PARD3: variants seen among roughly 807,000 people sequenced by gnomAD.
PARD3 encodes partitioning defective 3 homolog.
A neutral mutation model predicts 155.4 loss-of-function variants in PARD3; 75 were observed. The ratio of observed to expected loss-of-function variants is 0.48; its 90% CI spans 0.40 to 0.58. PARD3 has a LOEUF of 0.58. Ranked by LOEUF, PARD3 falls within the 20% of genes least tolerant of loss-of-function variation. PARD3 has a pLI of 0.00. For synonymous variants in PARD3, 576 were observed against 610.5 expected (o/e 0.94, Z 0.83); for missense variants, 1,642 against 1,721.7 (o/e 0.95, Z 0.82).
intron 2 of PARD3, among the ~76,000 whole-genome samples, chr10:34,629,951 A>G (rs945106765): frequency 2.0e-5 from 3 of 152,186 alleles, no homozygotes; most frequent in Non-Finnish European, 4.4e-5. Context: ...AATGTATAAC[A>G]AAACAAAACA....
Position 34,269,500 on chromosome 10 carries a change from A to G in PARD3, c.3419+157T>C, listed in dbSNP as rs575186904. Among the ~76,000 whole-genome samples the G allele has an allele frequency of 2.6e-5, 4 of 152,374 alleles. No individual in the cohort carries two copies. The South Asian group carries it at 8.3e-4, about 32-fold the overall frequency. On this transcript the variant is annotated intron_variant, in intron 22 of 24. Transcript: ENST00000374788. ...CTGCTGATCCTTCCATTAGGTTTCAATTTGTGTAAACTCAATACTTTTAGA... is the reference window on the plus strand; with the variant it reads ...CTGCTGATCCTTCCATTAGGTTTCAGTTTGTGTAAACTCAATACTTTTAGA...
intron 1 of PARD3, among the ~76,000 whole-genome samples, chr10:34,761,819 A>G (rs905620152): frequency 6.6e-6 from 1 of 152,228 alleles, no homozygotes; most frequent in Admixed American, 6.5e-5. Context: ...CTAAAGGAAC[A>G]AAGTACAGCC....
chr10:34,470,382 G>T (rs2078272552), intron 3 of PARD3, 119 bp from the exon 4 acceptor site: 1 of 690,832 alleles, frequency 1.4e-6, no homozygotes, highest in African/African-American at 1.8e-5. Context: ...TGTAAAAGGG[G>T]ACAAGTGGGT....
intron 10 of PARD3, among the ~76,000 whole-genome samples, chr10:34,377,706 C>T (rs757349173): frequency 7.9e-5 from 12 of 151,982 alleles, no homozygotes; most frequent in Non-Finnish European, 1.8e-4. Flanking sequence ...GCAAGAGGAT[C>T]GCCTGAGGCC....
chr10:34,737,178 A>G (rs149909464), intron 1 of PARD3, among the ~76,000 whole-genome samples: 32 of 152,300 alleles, frequency 2.1e-4, no homozygotes, highest in African/African-American at 7.7e-4. Flanking sequence ...TCCCAAGAAT[A>G]CGGGGTGTTT....
chr10:34,371,919 C>CT (rs1452965160), intron 12 of PARD3, among the ~76,000 whole-genome samples: 2 of 152,222 alleles, frequency 1.3e-5, no homozygotes, highest in East Asian at 3.9e-4. Flanking sequence ...TAAGCTTACT[C>CT]TTTTATCCCC....
intron 22 of PARD3, among the ~76,000 whole-genome samples, chr10:34,227,881 T>TATATATATATATACATATATATAC (rs1199483392): frequency 1.5e-5 from 2 of 133,736 alleles, no homozygotes; most frequent in African/African-American, 5.8e-5. Context: ...TATATATATA[T>TATATATATATATACATATATATAC]ATACTGGGAA....
In PARD3 at chr10:34,438,274, T is replaced by C. The variant is rs994046001; in HGVS notation, c.714+12043A>G. Among the ~76,000 whole-genome samples, 17 of 152,200 alleles carry C rather than the reference T, an allele frequency of 1.1e-4. 1 individual carries two copies. The highest frequency in any genetic ancestry group is 1.0e-3 in the Admixed American group (16 of 15,288). ...ATCAAGATTTAAAAAAATAGGAACA[T>C]TGCATTACTTTGAGAGAACTTACAT... is the stretch of plus-strand genomic sequence containing the variant. On this transcript the variant is annotated intron_variant, in intron 5 of 24. Transcript: ENST00000374788.
At chr10:34,507,532 A>C (rs2133504813) in intron 3 of PARD3, among the ~76,000 whole-genome samples, 1 of 149,918 alleles carries the variant, frequency 6.7e-6, no homozygotes, top group East Asian at 2.0e-4. Flanking sequence ...TGTGACATTC[A>C]GATCAATTAA....
intron 22 of PARD3, among the ~76,000 whole-genome samples, chr10:34,131,857 T>G (rs1435671505): frequency 6.6e-6 from 1 of 152,172 alleles, no homozygotes; most frequent in East Asian, 1.9e-4. Flanking sequence ...ATTTCCTTTC[T>G]GTAATCTGGC....
chr10:34,807,534 T>C (rs1476251483), intron 1 of PARD3, among the ~76,000 whole-genome samples: 2 of 152,098 alleles, frequency 1.3e-5, no homozygotes, highest in Non-Finnish European at 2.9e-5. Context: ...AAACTCCCAG[T>C]CCTAGCGGAA....
At chr10:34,206,448 T>C (rs1051911252) in intron 22 of PARD3, among the ~76,000 whole-genome samples, 11 of 152,192 alleles carry the variant, frequency 7.2e-5, no homozygotes, top group Admixed American at 1.3e-4. Flanking sequence ...TCAGCTCCTA[T>C]TGATGCAGGA....
chr10:34,693,529 G>A (rs760067107), intron 2 of PARD3, among the ~76,000 whole-genome samples: 1 of 152,106 alleles, frequency 6.6e-6, no homozygotes, highest in African/African-American at 2.4e-5. Context: ...ATGATCTCAC[G>A]TGGACATAAA....
At chr10:34,607,578 A>G (rs1309175387) in intron 2 of PARD3, among the ~76,000 whole-genome samples, 1 of 152,248 alleles carries the variant, frequency 6.6e-6, no homozygotes, top group Non-Finnish European at 1.5e-5. Flanking sequence ...ACCCTAGGTG[A>G]TATCTGTTCA....
At chr10:34,244,350 G>A (rs144436837) in intron 22 of PARD3, among the ~76,000 whole-genome samples, 81 of 152,228 alleles carry the variant, frequency 5.3e-4, no homozygotes, top group African/African-American at 1.8e-3. Flanking sequence ...AAAATGTTGC[G>A]CCTAGTTAAA....
At chr10:34,120,926 C>T (rs1311270221) in intron 23 of PARD3, among the ~76,000 whole-genome samples, 1 of 152,056 alleles carries the variant, frequency 6.6e-6, no homozygotes, top group African/African-American at 2.4e-5. Flanking sequence ...GGTGCAGTGG[C>T]ACATGTCTGT....
chr10:34,176,362 T>C lies in PARD3; in HGVS notation c.3420-44779A>G, dbSNP rs566849879. 3.9e-4 allele frequency among the ~76,000 whole-genome samples: 60 copies of C among 152,324 alleles called. 1 individual carries two copies. The highest frequency in any genetic ancestry group is 1.4e-3 in the African/African-American group (60 of 41,586). ...CATTATTAAGAAAAATTGGAATGAG[T>C]ATAAATAAAACGGGGACAGGGCAGA... On this transcript the variant is annotated intron_variant, in intron 22 of 24. Transcript: ENST00000374788.
At chr10:34,699,849 T>A (rs146871747) in intron 1 of PARD3, among the ~76,000 whole-genome samples, 94 of 152,296 alleles carry the variant, frequency 6.2e-4, no homozygotes, top group African/African-American at 2.3e-3. Context: ...CACTCCAGCC[T>A]GGGCAACAGA....
intron 1 of PARD3, among the ~76,000 whole-genome samples, chr10:34,797,095 G>C (rs1024196367): frequency 1.3e-5 from 2 of 152,220 alleles, no homozygotes; most frequent in African/African-American, 4.8e-5. Flanking sequence ...GCCAACAACA[G>C]CCAGGCCCAC....
Sources: gnomAD v4.1 joint callset for allele counts (sites outside exome capture counted in the v4.1 genomes callset) on GRCh38, gnomAD v4.1.1 for gene constraint, MANE v1.5 for transcripts, NCBI Gene and HGNC (gene_info 2026-07-23, HGNC 2026-07-21) for gene names.